The following ETFBKMT variants were observed in gnomAD, a reference collection of about 807,000 sequenced individuals.
ETFBKMT encodes electron transfer flavoprotein subunit beta lysine methyltransferase.
In ETFBKMT, 13 loss-of-function variants were observed where a neutral mutation model predicts 18.3. The observed-to-expected ratio is 0.71, with a 90% CI of 0.46 to 1.13. The LOEUF (loss-of-function observed/expected upper bound fraction) is 1.13, where lower values mean the gene tolerates loss of function less well. ETFBKMT is among the 50% of genes most tolerant of loss of function. ETFBKMT has a pLI of 0.00. For synonymous variants in ETFBKMT, 84 were observed against 107.9 expected (o/e 0.78, Z 1.37); for missense variants, 293 against 306.2 (o/e 0.96, Z 0.32).
rs751579530 is a variant in ETFBKMT, at chr12:31,669,029, A to AT, written c.*1045dup. 1 of 151,974 alleles carries AT rather than the reference A, an allele frequency of 6.6e-6. No individual in the cohort carries two copies. The highest frequency in any genetic ancestry group is 6.6e-5 in the Admixed American group (1 of 15,236). 9.4% of individuals were successfully genotyped at this position (151,974 alleles called of 1,614,324 possible). On this transcript the variant is annotated 3_prime_UTR_variant, in exon 4 of 4. Coordinates refer to ENST00000357721, the MANE Select transcript of ETFBKMT (RefSeq NM_001135863.2). The stretch of plus-strand genomic sequence containing the variant: ...TTTTTGTCTTTTAGCATGCCTTGTA[A>AT]TTTTTTGTTGATAGCTAGACATGAT...
At chr12:31,647,965 T>C (rs1950982018) in intron 1 of ETFBKMT, among the ~76,000 whole-genome samples, 1 of 152,222 alleles carries the variant, frequency 6.6e-6, no homozygotes, top group Non-Finnish European at 1.5e-5. Flanking sequence ...TGGCAATTCC[T>C]AAATAATTTG....
intron 3 of ETFBKMT, 101 bp downstream of exon 3, chr12:31,666,318 T>C (rs1293378430): frequency 2.4e-6 from 3 of 1,261,046 alleles, no homozygotes; most frequent in Non-Finnish European, 3.3e-6. Context: ...TTATATGTAT[T>C]TTGTGATTGG....
intron 1 of ETFBKMT, among the ~76,000 whole-genome samples, chr12:31,652,071 G>A (rs557370057): frequency 6.6e-6 from 1 of 152,192 alleles, no homozygotes; most frequent in East Asian, 1.9e-4. Flanking sequence ...GATTAGGGTG[G>A]GGTAACCAGG....
upstream of ETFBKMT, among the ~76,000 whole-genome samples, chr12:31,655,533 T>A (rs138845858): frequency 6.6e-6 from 1 of 152,332 alleles, no homozygotes; most frequent in African/African-American, 2.4e-5. Flanking sequence ...AAGCCTTATC[T>A]TCCCAAGTGC....
chr12:31,667,313 T>C (rs938767896), intron 3 of ETFBKMT, among the ~76,000 whole-genome samples: 1 of 152,248 alleles, frequency 6.6e-6, no homozygotes, highest in Non-Finnish European at 1.5e-5. Flanking sequence ...TCAGTTCTAA[T>C]TTATTGCCAT....
chr12:31,651,304 T>TC (rs1181878757), intron 1 of ETFBKMT, among the ~76,000 whole-genome samples: 4 of 85,686 alleles, frequency 4.7e-5, no homozygotes, highest in Non-Finnish European at 1.1e-4. Flanking sequence ...AAAGATGCCT[T>TC]CCCTTTTTTT....
chr12:31,647,922 T>G lies in ETFBKMT; in HGVS notation c.-114+667T>G, dbSNP rs1009050792. 2.0e-5 allele frequency among the ~76,000 whole-genome samples: 3 copies of G among 152,220 alleles called. No individual in the cohort carries two copies. In the South Asian group the frequency reaches 6.2e-4, roughly 32 times the overall value. Reference sequence around the variant, plus strand: ...AACCTTCATAAATTGCTGGTGAGAATGTAAAATTGTGCAGTCACTTTGGAA... The same window carrying G: ...AACCTTCATAAATTGCTGGTGAGAAGGTAAAATTGTGCAGTCACTTTGGAA... On this transcript the variant is annotated intron_variant, in intron 1 of 3. Coordinates refer to the ETFBKMT transcript ENST00000412352.
chr12:31,653,670 G>A (rs549945031), intron 1 of ETFBKMT, among the ~76,000 whole-genome samples: 8 of 152,366 alleles, frequency 5.3e-5, no homozygotes, highest in African/African-American at 1.2e-4. Context: ...GGGAGAGGCC[G>A]GGTGCGGTGG....
chr12:31,669,284 TG>T lies in ETFBKMT; in HGVS notation c.*1295del, dbSNP rs1951235645. On this transcript the variant is annotated 3_prime_UTR_variant, in exon 4 of 4. Transcript: ENST00000357721. The stretch of plus-strand genomic sequence containing the variant: ...TGTTATTATACAGTAGCCTAACTGA[TG>T]TGATAAGGTATGGGAGAAGGTATGT... The T allele has an allele frequency of 6.6e-6, 1 of 152,196 alleles. No individual in the cohort carries two copies. The highest frequency in any genetic ancestry group is 1.5e-5 in the Non-Finnish European group (1 of 68,030). 9.4% of individuals were successfully genotyped at this position (152,196 alleles called of 1,614,324 possible). A position where few individuals can be genotyped will look rare whatever the true frequency, so the allele number is the denominator to read the frequency against.
Position 31,672,817 on chromosome 12 carries a change from G to A in ETFBKMT, c.*4827G>A, listed in dbSNP as rs568260117. On this transcript the variant is annotated 3_prime_UTR_variant, in exon 4 of 4. Transcript: ENST00000357721. ...AGGATTAAAGAAAGCCAATAGGTAC[G>A]GTAAACCACCTTGGGAAGCTGCAAC... 9 of 150,706 alleles carry A rather than the reference G, an allele frequency of 6.0e-5. No homozygotes were observed. Among genetic ancestry groups the A allele is most frequent in the Admixed American group, 1.5e-4 (2 of 13,158 alleles). 9.3% of individuals were successfully genotyped at this position (150,706 alleles called of 1,614,324 possible).
intron 2 of ETFBKMT, among the ~76,000 whole-genome samples, chr12:31,664,616 C>CTTTT (rs59300091): frequency 3.0e-5 from 4 of 133,026 alleles, no homozygotes; most frequent in Non-Finnish European, 4.8e-5. Flanking sequence ...CTTTTTCTTT[C>CTTTT]TTTTTTTTTT....
rs1413025207 is a variant in ETFBKMT, at chr12:31,653,818, G to A, written c.-114+6563G>A. Among the ~76,000 whole-genome samples the A allele has an allele frequency of 2.6e-5, 4 of 151,880 alleles. No individual in the cohort carries two copies. In the East Asian group the frequency reaches 7.8e-4, roughly 29 times the overall value. ...AAAAAATTAGCTGGGTGTGGTGGCG[G>A]GTGCCTGTAATCCCAGCTATTGGGG... is the stretch of plus-strand genomic sequence containing the variant. On this transcript the variant is annotated intron_variant, in intron 1 of 3. Coordinates refer to the ETFBKMT transcript ENST00000412352.
intron 2 of ETFBKMT, among the ~76,000 whole-genome samples, chr12:31,664,982 G>T (rs1291673130): frequency 1.4e-5 from 2 of 147,726 alleles, no homozygotes; most frequent in African/African-American, 5.0e-5. Context: ...TGTCACCCAG[G>T]CTGGAGTGCA....
intron 2 of ETFBKMT, among the ~76,000 whole-genome samples, chr12:31,665,668 C>A (rs1489320031): frequency 6.6e-6 from 1 of 152,156 alleles, no homozygotes; most frequent in African/African-American, 2.4e-5. Flanking sequence ...CAGAGATTTA[C>A]CCACATGTTT....
intron 1 of ETFBKMT, 109 bp from the exon 2 acceptor site, chr12:31,661,732 T>C (rs1592135448): frequency 2.1e-6 from 1 of 486,910 alleles, no homozygotes; most frequent in East Asian, 3.9e-5. Context: ...GTGCAGGGAT[T>C]ACAGGCGTGA....
Position 31,672,197 on chromosome 12 carries a change from A to G in ETFBKMT, c.*4207A>G, listed in dbSNP as rs1951287206. Reference sequence around the variant, plus strand: ...GAGTTATAACTTAAGACAATAAAATAATTAAAAATAGTGTTAACATTAAGT... The same window carrying G: ...GAGTTATAACTTAAGACAATAAAATGATTAAAAATAGTGTTAACATTAAGT... On this transcript the variant is annotated 3_prime_UTR_variant, in exon 4 of 4. Coordinates refer to ENST00000357721, the MANE Select transcript of ETFBKMT (RefSeq NM_001135863.2). The G allele has an allele frequency of 9.3e-6, 7 of 749,018 alleles. No homozygotes were observed. Among genetic ancestry groups the G allele is most frequent in the East Asian group, 8.2e-5 (3 of 36,656 alleles). The allele number at this position is 749,018 out of a possible 1,614,324, so 46.4% of individuals were successfully genotyped here.
chr12:31,669,648 C>T lies in ETFBKMT; in HGVS notation c.*1658C>T, dbSNP rs1951241169. ...AAAACTATGAAAGTGTGGTGTCTCC[C>T]CTAGGAGTGGGCCCCCTGGAGTTTG... On this transcript the variant is annotated 3_prime_UTR_variant, in exon 4 of 4. Coordinates refer to ENST00000357721, the MANE Select transcript of ETFBKMT (RefSeq NM_001135863.2). 1 of 152,138 alleles carries T rather than the reference C, an allele frequency of 6.6e-6. No homozygotes were observed. The highest frequency in any genetic ancestry group is 2.1e-4 in the South Asian group (1 of 4,826). 9.4% of individuals were successfully genotyped at this position (152,138 alleles called of 1,614,324 possible). A position where few individuals can be genotyped will look rare whatever the true frequency, so the allele number is the denominator to read the frequency against.
At chr12:31,655,937 G>C (rs1156908045), upstream of ETFBKMT, among the ~76,000 whole-genome samples, 1 of 152,160 alleles carries the variant, frequency 6.6e-6, no homozygotes, top group Non-Finnish European at 1.5e-5. Context: ...ACTGTACTCT[G>C]TAAACATGCA....
rs1165555636 is a variant in ETFBKMT, at chr12:31,666,198, G to C, written c.426G>C (p.Leu142Phe). 2 of 1,614,024 alleles carry C rather than the reference G, an allele frequency of 1.2e-6. No individual in the cohort carries two copies. Residue 142 changes from leucine to phenylalanine, a missense_variant, in exon 3 of 4, where the codon TTG (leucine) becomes TTC (phenylalanine). Physicochemically the swap from Leu to Phe is conservative, Grantham distance 22. Coordinates refer to ENST00000357721, the MANE Select transcript of ETFBKMT (RefSeq NM_001135863.2). ...AAKMSGASRI[L>F]ANDIDPIAGM... is the part of the protein sequence containing the mutation. The stretch of plus-strand genomic sequence containing the variant: ...AGATGAGTGGGGCATCAAGGATCTT[G>C]GCCAATGACATAGACCCTAGTAAGG...
Sources: gnomAD v4.1 joint callset for allele counts (sites outside exome capture counted in the v4.1 genomes callset) on GRCh38, gnomAD v4.1.1 for gene constraint, MANE v1.5 for transcripts, NCBI Gene and HGNC (gene_info 2026-07-23, HGNC 2026-07-21) for gene names.